PHF21A: variants seen among roughly 807,000 people sequenced by gnomAD.
PHF21A encodes the protein BHC80a.
PHF21A carries 11 observed loss-of-function variants against 82.5 expected under a neutral mutation model. That is an observed-to-expected ratio of 0.13 (90% CI 0.08 to 0.22). The LOEUF (loss-of-function observed/expected upper bound fraction) is 0.22, where lower values mean the gene tolerates loss of function less well. Ranked by LOEUF, PHF21A falls within the 10% of genes least tolerant of loss-of-function variation. PHF21A has a pLI of 1.00. For missense variants in PHF21A, 579 were observed against 837.8 expected (o/e 0.69, Z 3.81); for synonymous variants, 297 against 302.8 (o/e 0.98, Z 0.20).
At chr11:46,073,216 T>A (rs1033075763) in intron 6 of PHF21A, among the ~76,000 whole-genome samples, 1 of 151,726 alleles carries the variant, frequency 6.6e-6, no homozygotes, top group Non-Finnish European at 1.5e-5. Context: ...TAGTCCCAGC[T>A]ACTTGGGAGG....
intron 1 of PHF21A, among the ~76,000 whole-genome samples, chr11:46,099,388 G>A (rs1009476894): frequency 6.6e-6 from 1 of 152,100 alleles, no homozygotes; most frequent in Admixed American, 6.5e-5. Flanking sequence ...ACAAGCTGCC[G>A]AGGATGAGCA....
intron 10 of PHF21A, among the ~76,000 whole-genome samples, chr11:45,964,233 T>TAATAATAATA (rs1041257338): frequency 2.0e-5 from 3 of 148,628 alleles, no homozygotes; most frequent in African/African-American, 7.4e-5. Flanking sequence ...ATAATAATAA[T>TAATAATAATA]AATTTATTTC....
intron 17 of PHF21A, among the ~76,000 whole-genome samples, chr11:45,936,260 T>C (rs1197397436): frequency 6.6e-6 from 1 of 152,190 alleles, no homozygotes; most frequent in Non-Finnish European, 1.5e-5. Flanking sequence ...CCTGGGTTGA[T>C]ACAGTGAGAC....
At chr11:46,026,547 C>T (rs549961729) in intron 6 of PHF21A, among the ~76,000 whole-genome samples, 1 of 152,208 alleles carries the variant, frequency 6.6e-6, no homozygotes, top group African/African-American at 2.4e-5. Flanking sequence ...CTCTTCTCTA[C>T]CCTGTTCGCC....
At chr11:45,935,844 C>T in intron 17 of PHF21A, 105 bp from the exon 18 acceptor site, 1 of 657,038 alleles carries the variant, frequency 1.5e-6, no homozygotes, top group Non-Finnish European at 2.6e-6. Flanking sequence ...TTCCCCAGAG[C>T]TCCCATGAGT....
At chr11:45,999,027 A>G (rs2095022380) in intron 6 of PHF21A, among the ~76,000 whole-genome samples, 2 of 151,716 alleles carry the variant, frequency 1.3e-5, no homozygotes, top group Admixed American at 1.3e-4. Flanking sequence ...GGGTTTCACC[A>G]TGTTGGCCAG....
intron 1 of PHF21A, chr11:46,116,796 C>G (rs1218797256): frequency 6.6e-6 from 1 of 152,052 alleles, no homozygotes; most frequent in African/African-American, 2.4e-5. Context: ...TACCCCGTCT[C>G]TACTCAAAAT....
intron 6 of PHF21A, among the ~76,000 whole-genome samples, chr11:45,983,642 C>T (rs1020225618): frequency 1.3e-5 from 2 of 152,190 alleles, no homozygotes; most frequent in Non-Finnish European, 2.9e-5. Context: ...GCCCTGCAGG[C>T]TCTTCCAAGG....
At chr11:46,065,432 T>C (rs2096582822) in intron 6 of PHF21A, among the ~76,000 whole-genome samples, 1 of 152,244 alleles carries the variant, frequency 6.6e-6, no homozygotes, top group African/African-American at 2.4e-5. Flanking sequence ...GTTGCCGACA[T>C]GCTGAGCATG....
chr11:46,071,461 C>A (rs901858185), intron 6 of PHF21A, among the ~76,000 whole-genome samples: 7 of 152,270 alleles, frequency 4.6e-5, no homozygotes, highest in Admixed American at 2.0e-4. Flanking sequence ...GTAAAATGCC[C>A]TATAATAATA....
chr11:46,017,594 A>C (rs547901680), intron 6 of PHF21A, among the ~76,000 whole-genome samples: 2 of 151,836 alleles, frequency 1.3e-5, no homozygotes, highest in South Asian at 2.1e-4. Context: ...AAAAAAAAAA[A>C]CACCTCCCTC....
chr11:46,053,514 C>T (rs2096401996), intron 6 of PHF21A, among the ~76,000 whole-genome samples: 1 of 151,894 alleles, frequency 6.6e-6, no homozygotes, highest in Non-Finnish European at 1.5e-5. Flanking sequence ...TCTTTGACAT[C>T]AATTAGTTTT....
intron 6 of PHF21A, among the ~76,000 whole-genome samples, chr11:46,044,192 CTGGAAAATAAAT>C (rs1283920625): frequency 6.6e-6 from 1 of 152,006 alleles, no homozygotes; most frequent in Non-Finnish European, 1.5e-5. Context: ...GGAAAACAAA[CTGGAAAATAAAT>C]CAAACTACTA....
chr11:46,062,158 G>A lies in PHF21A; in HGVS notation c.153+14596C>T, dbSNP rs1028097075. Among the ~76,000 whole-genome samples, 9 of 151,726 alleles carry A rather than the reference G, an allele frequency of 5.9e-5. No individual in the cohort carries two copies. In the East Asian group the frequency reaches 1.5e-3, roughly 26 times the overall value. On this transcript the variant is annotated intron_variant, in intron 6 of 18. Coordinates refer to ENST00000676320, the MANE Select transcript of PHF21A (RefSeq NM_001352027.3). Reference sequence around the variant, plus strand: ...TCTTGTTTTGCTAAAGTTTCACCACGTTGTGCCTTGGTATGAGGGTGTGGG... The same window carrying A: ...TCTTGTTTTGCTAAAGTTTCACCACATTGTGCCTTGGTATGAGGGTGTGGG...
chr11:46,038,782 C>T (rs2096067740), intron 6 of PHF21A, among the ~76,000 whole-genome samples: 1 of 152,114 alleles, frequency 6.6e-6, no homozygotes, highest in African/African-American at 2.4e-5. Flanking sequence ...TAGTTCCACT[C>T]CCATGATAAC....
In PHF21A at chr11:45,949,384, G is replaced by T; in HGVS notation, c.1227+18C>A. ...AAACTGGAACATGAGGGAAGGGCCA[G>T]ATGCTGGCCAGTAATACCTCTGGCT... On this transcript the variant is annotated intron_variant, in intron 13 of 18. Transcript: ENST00000676320. 1 of 1,606,702 alleles carries T rather than the reference G, an allele frequency of 6.2e-7. No individual in the cohort carries two copies. Among genetic ancestry groups the T allele is most frequent in the Non-Finnish European group, 8.5e-7 (1 of 1,173,150 alleles).
At chr11:46,107,986 C>T (rs1464395818) in intron 1 of PHF21A, among the ~76,000 whole-genome samples, 1 of 152,082 alleles carries the variant, frequency 6.6e-6, no homozygotes, top group East Asian at 1.9e-4. Flanking sequence ...AGGACTAATT[C>T]CTATGTAGGG....
intron 8 of PHF21A, 88 bp downstream of exon 8, chr11:45,971,028 C>G: frequency 7.0e-7 from 1 of 1,429,414 alleles, no homozygotes; most frequent in Non-Finnish European, 9.4e-7. Context: ...ACTGAGAAAT[C>G]CAGCAGGAGC....
chr11:46,008,530 A>G (rs569320861), intron 6 of PHF21A, among the ~76,000 whole-genome samples: 1 of 152,254 alleles, frequency 6.6e-6, no homozygotes, highest in East Asian at 1.9e-4. Context: ...AAGGTAGAAG[A>G]CGGGAAAAGA....
Sources: allele counts gnomAD v4.1 joint callset (sites outside exome capture counted in the v4.1 genomes callset), GRCh38; gene constraint gnomAD v4.1.1; transcripts MANE v1.5; gene names NCBI Gene and HGNC (gene_info 2026-07-23, HGNC 2026-07-21).